GTF3C1: variants seen among roughly 807,000 people sequenced by gnomAD.
GTF3C1 encodes the protein general transcription factor 3C polypeptide 1.
GTF3C1 carries 57 observed loss-of-function variants against 226.7 expected under a neutral mutation model. The ratio of observed to expected loss-of-function variants is 0.25; its 90% CI spans 0.20 to 0.31. GTF3C1 has a LOEUF of 0.31. Ranked by LOEUF, GTF3C1 falls within the 10% of genes least tolerant of loss-of-function variation. GTF3C1 has a pLI of 1.00. For missense variants in GTF3C1, 2,217 were observed against 2,776.1 expected, an observed-to-expected ratio of 0.80 and a Z score of 4.53; for synonymous variants, 1,090 against 1,084.8, an observed-to-expected ratio of 1.00 and a Z score of -0.09.
chr16:27,543,780 A>C (rs2089124404), intron 2 of GTF3C1, among the ~76,000 whole-genome samples: 1 of 152,196 alleles, frequency 6.6e-6, no homozygotes, highest in African/African-American at 2.4e-5. Context: ...TAAGGCAGGA[A>C]GCCACTGGCA....
rs2141380322 is a variant in GTF3C1, at chr16:27,492,699, G to A, written c.2891C>T (p.Ser964Leu). ...QLLYKRRYIFSVVENLQRLCY... is the reference protein window; with the variant it reads ...QLLYKRRYIFLVVENLQRLCY... The stretch of plus-strand genomic sequence containing the variant: ...CAGCCTCTGAAGGTTCTCCACCACC[G>A]AAAAAATGTAACGCCTAGAAAACAG... Residue 964 changes from serine (S) to leucine (L), a missense_variant, in exon 18 of 37, where the codon TCG becomes TTG. Coordinates refer to ENST00000356183, the MANE Select transcript of GTF3C1 (RefSeq NM_001520.4). The surrounding 1 kb of genome is among the most constrained non-coding windows in gnomAD (Gnocchi z 5.0). 3 of 1,589,272 alleles carry A rather than the reference G, an allele frequency of 1.9e-6. No individual in the cohort carries two copies. Among genetic ancestry groups the A allele is most frequent in the Non-Finnish European group, 2.6e-6 (3 of 1,157,316 alleles).
Position 27,495,478 on chromosome 16 carries a change from G to A in GTF3C1, c.2365C>T (p.Arg789Cys). 2 of 1,613,130 alleles carry A rather than the reference G, an allele frequency of 1.2e-6. No individual in the cohort carries two copies. Among genetic ancestry groups the A allele is most frequent in the Non-Finnish European group, 1.7e-6 (2 of 1,179,504 alleles). The change falls in exon 15 of 37, where the codon CGT (arginine) becomes TGT (cysteine). Residue 789 changes from arginine (R) to cysteine (C), a missense_variant. By Grantham distance (180) the Arg-to-Cys change is radical. Transcript: ENST00000356183. ...YHPIVVPGLG[R>C]SLGFLPKMPR... ...ATTTTGGGCAGAAATCCTAGAGAAC[G>A]CCCCAGTCCGGGAACTAAAGCAAGA...
chr16:27,472,395 T>C (rs2087888649), intron 29 of GTF3C1, among the ~76,000 whole-genome samples: 1 of 152,212 alleles, frequency 6.6e-6, no homozygotes, highest in Non-Finnish European at 1.5e-5. Context: ...GGTCCCCAGC[T>C]GACTGGTCTC....
chr16:27,527,432 C>G (rs542058907), intron 6 of GTF3C1, among the ~76,000 whole-genome samples: 73 of 152,252 alleles, frequency 4.8e-4, no homozygotes, highest in African/African-American at 1.7e-3. Context: ...ATCTGCCCAC[C>G]TGAGCCTCCC....
chr16:27,514,539 C>T (rs954423557), intron 6 of GTF3C1, among the ~76,000 whole-genome samples: 2 of 152,254 alleles, frequency 1.3e-5, no homozygotes, highest in South Asian at 4.1e-4. Context: ...GCCATTCCCC[C>T]CTAGACTGTC....
At chr16:27,480,742 T>C in intron 27 of GTF3C1, 1 of 268,050 alleles carries the variant, frequency 3.7e-6, no homozygotes, top group Non-Finnish European at 7.2e-6. Context: ...TATGTTCAAA[T>C]CCTGGCCCTG....
intron 7 of GTF3C1, among the ~76,000 whole-genome samples, 178 bp from the exon 8 acceptor site, chr16:27,508,833 G>T (rs2088528100): frequency 6.6e-6 from 1 of 152,126 alleles, no homozygotes; most frequent in African/African-American, 2.4e-5. Flanking sequence ...AAGCCTCTGA[G>T]TAATATACTA....
At chr16:27,475,357 T>C (rs1444330276) in intron 29 of GTF3C1, among the ~76,000 whole-genome samples, 1 of 152,206 alleles carries the variant, frequency 6.6e-6, no homozygotes, top group Non-Finnish European at 1.5e-5. Flanking sequence ...GAAAGTCCCT[T>C]TGTTTTCTTA....
At chr16:27,510,325 G>C (rs2088554484) in intron 7 of GTF3C1, among the ~76,000 whole-genome samples, 1 of 151,996 alleles carries the variant, frequency 6.6e-6, no homozygotes, top group South Asian at 2.1e-4. Flanking sequence ...GGCGGAGCTT[G>C]CAGTGAGCCA....
At chr16:27,518,729 C>T (rs1049418711) in intron 6 of GTF3C1, among the ~76,000 whole-genome samples, 9 of 152,140 alleles carry the variant, frequency 5.9e-5, no homozygotes, top group East Asian at 3.9e-4. Flanking sequence ...GAGAGGCCGT[C>T]GGGCAGCATA....
rs1202704056 is a variant in GTF3C1, at chr16:27,505,970, C to A, written c.1699G>T (p.Val567Phe). Residue 567 changes from valine (V) to phenylalanine (F), a missense_variant, in exon 10 of 37, where the codon GTC becomes TTC. Coordinates refer to ENST00000356183, the MANE Select transcript of GTF3C1 (RefSeq NM_001520.4). ...CTGTTGCTGTCCGCACAGTGGGAGA[C>A]AAAGGACACGTTGGGTTCTGAGACG... ...SSVSEPNVSF[V>F]SHCADSNSGD... 6.2e-7 allele frequency: 1 copy of A among 1,613,724 alleles called. No homozygotes were observed. Among genetic ancestry groups the A allele is most frequent in the Non-Finnish European group, 8.5e-7 (1 of 1,179,594 alleles).
Position 27,470,636 on chromosome 16 carries a change from T to C in GTF3C1, c.4527-241A>G. On this transcript the variant is annotated intron_variant, in intron 30 of 36. Coordinates refer to ENST00000356183, the MANE Select transcript of GTF3C1 (RefSeq NM_001520.4). This position sits in a 1 kb window ranked among gnomAD's most constrained non-coding sequence, Gnocchi z 4.9. ...GCAGAGTCCTGTCTCCTCATCTAAT[T>C]CAATGTGGCCTCACCTGGCGCTCCA... 1 of 518,610 alleles carries C rather than the reference T, an allele frequency of 1.9e-6. No individual in the cohort carries two copies. The highest frequency in any genetic ancestry group is 3.5e-6 in the Non-Finnish European group (1 of 287,810). The allele number at this position is 518,610 out of a possible 1,614,324, so 32.1% of individuals were successfully genotyped here.
chr16:27,485,560 G>C (rs2088126375), intron 24 of GTF3C1, among the ~76,000 whole-genome samples: 1 of 152,212 alleles, frequency 6.6e-6, no homozygotes, highest in Non-Finnish European at 1.5e-5. Flanking sequence ...AGCAGGCCAG[G>C]GTTAGACTAC....
Position 27,463,467 on chromosome 16 carries a change from C to A in GTF3C1, c.5924+74G>T. 1.2e-6 allele frequency: 1 copy of A among 861,620 alleles called. No individual in the cohort carries two copies. Among genetic ancestry groups the A allele is most frequent in the South Asian group, 1.4e-5 (1 of 74,022 alleles). The allele number at this position is 861,620 out of a possible 1,614,324, so 53.4% of individuals were successfully genotyped here. ...ACCTGGGGAAAGACCCTCAAAGACC[C>A]TCACACAAATCCTTACACTCGGTCC... On this transcript the variant is annotated intron_variant, in intron 35 of 36. Coordinates refer to ENST00000356183, the MANE Select transcript of GTF3C1 (RefSeq NM_001520.4). The surrounding 1 kb of genome is among the most constrained non-coding windows in gnomAD (Gnocchi z 4.9).
chr16:27,482,310 C>A (rs1199789322), intron 26 of GTF3C1, among the ~76,000 whole-genome samples: 1 of 152,262 alleles, frequency 6.6e-6, no homozygotes, highest in African/African-American at 2.4e-5. Context: ...CTGCACCAGA[C>A]CAGGACTGCC....
intron 6 of GTF3C1, among the ~76,000 whole-genome samples, chr16:27,512,224 G>A (rs1055203850): frequency 5.9e-5 from 9 of 152,134 alleles, no homozygotes; most frequent in African/African-American, 1.9e-4. Flanking sequence ...ATGACAACAG[G>A]AGACGCGCCT....
chr16:27,528,502 A>G (rs775154532), intron 6 of GTF3C1, 96 bp downstream of exon 6: 132 of 942,758 alleles, frequency 1.4e-4, no homozygotes, highest in Non-Finnish European at 2.1e-4. Context: ...ATTATGCCAC[A>G]AGGCAGAATG....
Position 27,549,667 on chromosome 16 carries a change from G to A in GTF3C1, c.221+3C>T, listed in dbSNP as rs1240559314. ...CGCCCGCCAGGCCAGGCCGCCCGCT[G>A]ACCGGTCCTGGAGCTGTAGGTCGGG... On this transcript the variant is annotated splice_donor_region_variant and intron_variant, in intron 1 of 36. Coordinates refer to ENST00000356183, the MANE Select transcript of GTF3C1 (RefSeq NM_001520.4). 11 of 1,516,218 alleles carry A rather than the reference G, an allele frequency of 7.3e-6. No homozygotes were observed. Among genetic ancestry groups the A allele is most frequent in the African/African-American group, 1.4e-5 (1 of 72,372 alleles). The allele number at this position is 1,516,218 out of a possible 1,614,324, so 93.9% of individuals were successfully genotyped here.
At chr16:27,476,328 G>A (rs2087949532) in intron 29 of GTF3C1, 123 bp downstream of exon 29, 2 of 616,362 alleles carry the variant, frequency 3.2e-6, no homozygotes, top group South Asian at 1.9e-5. Flanking sequence ...AGACATGTGG[G>A]CTGGCATTTT....
Sources: gnomAD v4.1 joint callset for allele counts (sites outside exome capture counted in the v4.1 genomes callset) on GRCh38, gnomAD v4.1.1 for gene constraint, Gnocchi (gnomAD v3.1) non-coding constraint, MANE v1.5 for transcripts, NCBI Gene and HGNC (gene_info 2026-07-23, HGNC 2026-07-21) for gene names.